KIAA1217: variants seen among roughly 807,000 people sequenced by gnomAD.
KIAA1217 encodes the protein KIAA1217, also known as sickle tail protein homolog.
A neutral mutation model predicts 163.9 loss-of-function variants in KIAA1217; 88 were observed. The ratio of observed to expected loss-of-function variants is 0.54; its 90% CI spans 0.45 to 0.64. KIAA1217 has a LOEUF of 0.64. Ranked by LOEUF, KIAA1217 falls within the 30% of genes least tolerant of loss-of-function variation. The probability of loss-of-function intolerance (pLI) is 0.00; values close to 1 mark genes in which losing one functional copy is unlikely to be tolerated. For missense variants in KIAA1217, 2,372 were observed against 2,475.0 expected, an observed-to-expected ratio of 0.96 and a Z score of 0.88; for synonymous variants, 903 against 923.1, an observed-to-expected ratio of 0.98 and a Z score of 0.39.
chr10:24,153,492 C>A (rs1763260703), intron 2 of KIAA1217, among the ~76,000 whole-genome samples: 1 of 152,152 alleles, frequency 6.6e-6, no homozygotes, highest in Admixed American at 6.5e-5. Flanking sequence ...AAGAAGGTAC[C>A]TTGTGTAACT....
chr10:24,304,249 C>T (rs577407831), intron 2 of KIAA1217, among the ~76,000 whole-genome samples: 167 of 134,232 alleles, frequency 1.2e-3, no homozygotes, highest in African/African-American at 4.4e-3. Context: ...TAAGAAAAAT[C>T]TTGCAACTGT....
intron 1 of KIAA1217, among the ~76,000 whole-genome samples, chr10:23,934,316 T>C (rs963870455): frequency 1.3e-5 from 2 of 150,882 alleles, no homozygotes; most frequent in Middle Eastern, 3.4e-3. Flanking sequence ...ATGTTCTCAC[T>C]TGGGAGTTGA....
chr10:24,154,392 A>G (rs1589699470), intron 2 of KIAA1217, among the ~76,000 whole-genome samples: 1 of 152,138 alleles, frequency 6.6e-6, no homozygotes, highest in African/African-American at 2.4e-5. Flanking sequence ...ACGCCACTGC[A>G]CTCCAGCCTG....
At chr10:24,454,618 T>C (rs1343310153) in intron 5 of KIAA1217, among the ~76,000 whole-genome samples, 1 of 152,148 alleles carries the variant, frequency 6.6e-6, no homozygotes, top group Non-Finnish European at 1.5e-5. Context: ...CTCTAAAGCA[T>C]AGGACTGGTG....
chr10:24,398,037 G>A (rs2056055541), intron 3 of KIAA1217, among the ~76,000 whole-genome samples: 1 of 152,144 alleles, frequency 6.6e-6, no homozygotes, highest in Non-Finnish European at 1.5e-5. Context: ...AGGGATTAGG[G>A]GCGCTGACTC....
intron 1 of KIAA1217, among the ~76,000 whole-genome samples, chr10:23,948,143 G>C (rs889233946): frequency 6.6e-6 from 1 of 152,172 alleles, no homozygotes; most frequent in African/African-American, 2.4e-5. Context: ...TAGTCTGTTA[G>C]TAGGTAAGGG....
chr10:23,832,557 T>C (rs372127763), intron 1 of KIAA1217, among the ~76,000 whole-genome samples: 3 of 152,248 alleles, frequency 2.0e-5, no homozygotes, highest in African/African-American at 7.2e-5. Flanking sequence ...AATAACATGG[T>C]TGGTTTCCCT....
At chr10:23,983,813 G>C (rs1445027359) in intron 1 of KIAA1217, among the ~76,000 whole-genome samples, 1 of 152,134 alleles carries the variant, frequency 6.6e-6, no homozygotes, top group Non-Finnish European at 1.5e-5. Flanking sequence ...CTTATCCCAA[G>C]AACAGGATCC....
chr10:24,045,648 T>C lies in KIAA1217; in HGVS notation c.-171+38274T>C, dbSNP rs183075306. On this transcript the variant is annotated intron_variant, in intron 2 of 18. Transcript: ENST00000376462. ...TTAATTTCCAAGAAGCTTTTAAAAT[T>C]CTGATTATTTGGGGACCAAAACACA... 7.0e-4 allele frequency among the ~76,000 whole-genome samples: 107 copies of C among 152,316 alleles called. No individual in the cohort carries two copies. The East Asian group carries it at 0.013, about 19-fold the overall frequency.
intron 3 of KIAA1217, among the ~76,000 whole-genome samples, chr10:24,407,257 C>CGTGTGTGT (rs10545826): frequency 2.6e-4 from 39 of 147,818 alleles, no homozygotes; most frequent in African/African-American, 9.4e-4. Context: ...GATGAAGATA[C>CGTGTGTGT]GTGTGTGTGT....
intron 2 of KIAA1217, among the ~76,000 whole-genome samples, chr10:24,045,803 A>T (rs145511165): frequency 1.9e-3 from 283 of 152,232 alleles, no homozygotes; most frequent in South Asian, 3.7e-3. Flanking sequence ...TATCAGTGTG[A>T]TACTGGTGTG....
chr10:24,438,274 G>C, intron 4 of KIAA1217, 112 bp from the exon 5 acceptor site: 1 of 728,496 alleles, frequency 1.4e-6, no homozygotes, highest in South Asian at 1.7e-5. Context: ...ACTGTAGATA[G>C]CCTTTGGATT....
At chr10:23,903,426 TA>T (rs931849397) in intron 1 of KIAA1217, among the ~76,000 whole-genome samples, 1 of 152,042 alleles carries the variant, frequency 6.6e-6, no homozygotes, top group African/African-American at 2.4e-5. Context: ...AGTCTTACAT[TA>T]CACAGGAGCC....
chr10:24,073,272 A>AG (rs974923668), intron 2 of KIAA1217, among the ~76,000 whole-genome samples: 23 of 152,124 alleles, frequency 1.5e-4, no homozygotes, highest in African/African-American at 5.1e-4. Context: ...AACAAGGAGA[A>AG]GGGGTCTAGA....
Position 24,547,743 on chromosome 10 carries a change from TAC to T in KIAA1217, c.*1421_*1422del. On this transcript the variant is annotated 3_prime_UTR_variant, in exon 21 of 21. Transcript: ENST00000376454. ...GTAGATGACAGAAAGCAAACCTGGA[TAC>T]AGAGTTTCCACCCTCAGTTCCTGGA... The T allele has an allele frequency of 6.6e-6, 1 of 152,300 alleles. No individual in the cohort carries two copies. The highest frequency in any genetic ancestry group is 2.1e-4 in the South Asian group (1 of 4,824). 9.4% of individuals were successfully genotyped at this position (152,300 alleles called of 1,614,324 possible).
chr10:24,088,258 T>C (rs2061779762), intron 2 of KIAA1217, among the ~76,000 whole-genome samples: 1 of 103,660 alleles, frequency 9.6e-6, no homozygotes, highest in African/African-American at 3.1e-5. Context: ...TTAATATACA[T>C]ATATATATAT....
intron 1 of KIAA1217, among the ~76,000 whole-genome samples, chr10:23,707,622 TA>T (rs1836976940): frequency 6.6e-6 from 1 of 152,150 alleles, no homozygotes; most frequent in Admixed American, 6.6e-5. Context: ...AATTACCTGT[TA>T]GATACAATGT....
upstream of KIAA1217, among the ~76,000 whole-genome samples, chr10:24,207,676 T>C (rs2067640852): frequency 6.6e-6 from 1 of 152,228 alleles, no homozygotes; most frequent in African/African-American, 2.4e-5. Context: ...CCGCGTCTTC[T>C]TGGATTTCAA....
intron 1 of KIAA1217, among the ~76,000 whole-genome samples, chr10:23,949,212 G>A (rs1327812295): frequency 1.3e-5 from 2 of 152,092 alleles, no homozygotes; most frequent in Non-Finnish European, 2.9e-5. Flanking sequence ...CAAACCGTGT[G>A]AAACCCTGAC....
Sources: gnomAD v4.1 joint callset for allele counts (sites outside exome capture counted in the v4.1 genomes callset) on GRCh38, gnomAD v4.1.1 for gene constraint, MANE v1.5 for transcripts, NCBI Gene and HGNC (gene_info 2026-07-23, HGNC 2026-07-21) for gene names.